REDIC1: variants seen among roughly 807,000 people sequenced by gnomAD.
REDIC1 encodes the protein HEI10 Interacting Protein 1.
the REDIC1 span, among the ~76,000 whole-genome samples, chr12:39,882,064 T>C: frequency 3.3e-5 from 5 of 152,196 alleles, no homozygotes; most frequent in Non-Finnish European, 7.3e-5. Context: ...ACTGACATAA[T>C]ATGTCACTCT....
the REDIC1 span, among the ~76,000 whole-genome samples, chr12:39,895,778 GT>G: frequency 2.4e-5 from 2 of 84,178 alleles, 1 homozygote; most frequent in Admixed American, 2.5e-4. Context: ...ATGTATATGC[GT>G]GTATACGTAC....
At chr12:39,894,810 G>T in the REDIC1 span, among the ~76,000 whole-genome samples, 1 of 152,092 alleles carries the variant, frequency 6.6e-6, no homozygotes, top group East Asian at 1.9e-4. Flanking sequence ...GCAGGGAGAT[G>T]CAAGAAAGAT....
chr12:39,709,502 T>C, the REDIC1 span, among the ~76,000 whole-genome samples: 1 of 151,686 alleles, frequency 6.6e-6, no homozygotes, highest in Non-Finnish European at 1.5e-5. Flanking sequence ...AACAATTTCC[T>C]ACTTGCCCCT....
chr12:39,744,412 A>G, the REDIC1 span, among the ~76,000 whole-genome samples: 19 of 152,362 alleles, frequency 1.2e-4, no homozygotes, highest in South Asian at 2.1e-4. Context: ...ATAAGCGAAG[A>G]TAAGTTAAAA....
the REDIC1 span, among the ~76,000 whole-genome samples, chr12:39,785,294 A>G: frequency 6.6e-6 from 1 of 152,172 alleles, no homozygotes. Flanking sequence ...CTCCAGCCAC[A>G]GCTGAAAGGG....
chr12:39,900,076 C>T, the REDIC1 span, among the ~76,000 whole-genome samples: 1 of 152,068 alleles, frequency 6.6e-6, no homozygotes, highest in African/African-American at 2.4e-5. Context: ...ATAAACAGAA[C>T]CAAAGACAAA....
At chr12:39,890,654 CTGTATATA>C in the REDIC1 span, among the ~76,000 whole-genome samples, 2 of 152,050 alleles carry the variant, frequency 1.3e-5, no homozygotes, top group Admixed American at 1.3e-4. Flanking sequence ...TGATACATAA[CTGTATATA>C]TGTATTGAAA....
chr12:39,705,181 A>G, the REDIC1 span, among the ~76,000 whole-genome samples: 1 of 152,120 alleles, frequency 6.6e-6, no homozygotes, highest in African/African-American at 2.4e-5. Flanking sequence ...GGTGCTATGA[A>G]TGACTACATG....
chr12:39,764,509 G>C, the REDIC1 span: 1 of 1,610,746 alleles, frequency 6.2e-7, no homozygotes, highest in Non-Finnish European at 8.5e-7. Flanking sequence ...GTGAAACCAG[G>C]ACATTGAAAA....
the REDIC1 span, among the ~76,000 whole-genome samples, chr12:39,905,052 T>A: frequency 6.6e-6 from 1 of 152,120 alleles, no homozygotes; most frequent in Non-Finnish European, 1.5e-5. Flanking sequence ...GCCACCAAAT[T>A]AACTTGAAGA....
the REDIC1 span, among the ~76,000 whole-genome samples, chr12:39,772,620 A>C: frequency 6.6e-6 from 1 of 152,214 alleles, no homozygotes; most frequent in Admixed American, 6.5e-5. Context: ...AAAGAGAAGA[A>C]GAAAGAAAAA....
chr12:39,698,911 T>C, the REDIC1 span, among the ~76,000 whole-genome samples: 1 of 152,078 alleles, frequency 6.6e-6, no homozygotes, highest in African/African-American at 2.4e-5. Context: ...ATAAACACCT[T>C]AGCTATATAT....
chr12:39,692,015 C>G, the REDIC1 span: 1 of 1,516,102 alleles, frequency 6.6e-7, no homozygotes, highest in Non-Finnish European at 9.0e-7. Context: ...ATTATGTATA[C>G]TTAGGAATTG....
the REDIC1 span, among the ~76,000 whole-genome samples, chr12:39,882,386 T>C: frequency 1.2e-4 from 19 of 152,176 alleles, no homozygotes; most frequent in Non-Finnish European, 2.6e-4. Flanking sequence ...CGTTCATCAT[T>C]CTCAAATCCC....
At chr12:39,735,273 G>T in the REDIC1 span, among the ~76,000 whole-genome samples, 3 of 152,178 alleles carry the variant, frequency 2.0e-5, no homozygotes, top group South Asian at 2.1e-4. Flanking sequence ...TGCCCCTAGA[G>T]GTGGCTCATA....
At chr12:39,785,233 G>A in the REDIC1 span, among the ~76,000 whole-genome samples, 1 of 152,142 alleles carries the variant, frequency 6.6e-6, no homozygotes, top group Non-Finnish European at 1.5e-5. Flanking sequence ...CCAGGCCTGG[G>A]GTCCCCATGC....
chr12:39,859,066 C>A, the REDIC1 span, among the ~76,000 whole-genome samples: 1 of 151,946 alleles, frequency 6.6e-6, no homozygotes, highest in Non-Finnish European at 1.5e-5. Flanking sequence ...TGGAAATGAA[C>A]TTTGAAGGGA....
chr12:39,842,479 A>C, the REDIC1 span, among the ~76,000 whole-genome samples: 1 of 152,060 alleles, frequency 6.6e-6, no homozygotes, highest in Non-Finnish European at 1.5e-5. Context: ...AACATGTGAC[A>C]CTCTGATAGA....
At chr12:39,702,515 A>G in the REDIC1 span, among the ~76,000 whole-genome samples, 3 of 152,234 alleles carry the variant, frequency 2.0e-5, no homozygotes, top group South Asian at 2.1e-4. Context: ...ACAAGGAGGA[A>G]CTGGTACCAT....
Sources: gnomAD v4.1 joint callset for allele counts (sites outside exome capture counted in the v4.1 genomes callset) on GRCh38, gnomAD v4.1.1 for gene constraint, MANE v1.5 for transcripts, NCBI Gene and HGNC (gene_info 2026-07-23, HGNC 2026-07-21) for gene names.